FOXN3: variants seen among roughly 807,000 people sequenced by gnomAD.
The protein encoded by FOXN3 is forkhead box N3.
Under a neutral mutation model 38.4 loss-of-function variants are expected in FOXN3, and 7 were observed. The observed-to-expected ratio is 0.18, with a 90% CI of 0.10 to 0.34. FOXN3 has a LOEUF of 0.34. Ranked by LOEUF, FOXN3 falls within the 10% of genes least tolerant of loss-of-function variation. FOXN3 has a pLI of 1.00. For synonymous variants in FOXN3, 230 were observed against 242.2 expected, an observed-to-expected ratio of 0.95 and a Z score of 0.47; for missense variants, 456 against 613.4, an observed-to-expected ratio of 0.74 and a Z score of 2.71.
At chr14:89,574,380 G>A (rs973072659) in intron 1 of FOXN3, among the ~76,000 whole-genome samples, 4 of 152,190 alleles carry the variant, frequency 2.6e-5, no homozygotes, top group Non-Finnish European at 5.9e-5. Context: ...TCCAGAATAA[G>A]GTTTCTGGTC....
chr14:89,554,950 G>C (rs1398839777), intron 1 of FOXN3, among the ~76,000 whole-genome samples: 1 of 151,704 alleles, frequency 6.6e-6, no homozygotes, highest in East Asian at 1.9e-4. Flanking sequence ...CACCATGCCT[G>C]GCTGGTTTTT....
chr14:89,343,722 TCCA>T (rs1888685161), intron 3 of FOXN3, among the ~76,000 whole-genome samples: 1 of 124,440 alleles, frequency 8.0e-6, no homozygotes, highest in African/African-American at 2.9e-5. Flanking sequence ...TGGAATTTAT[TCCA>T]AAAAAAAAAA....
At chr14:89,245,562 C>T (rs1351366333) in intron 4 of FOXN3, among the ~76,000 whole-genome samples, 1 of 152,046 alleles carries the variant, frequency 6.6e-6, no homozygotes, top group Non-Finnish European at 1.5e-5. Flanking sequence ...CTTTCCCCCT[C>T]ATTTATATCG....
At chr14:89,581,285 C>G (rs1449048699) in intron 1 of FOXN3, among the ~76,000 whole-genome samples, 1 of 151,890 alleles carries the variant, frequency 6.6e-6, no homozygotes. Context: ...AGTTTGAGAC[C>G]AGCCTGGCCA....
intron 3 of FOXN3, among the ~76,000 whole-genome samples, chr14:89,335,731 C>G (rs555874653): frequency 1.3e-5 from 2 of 152,232 alleles, no homozygotes; most frequent in African/African-American, 4.8e-5. Context: ...ATTAGAGATT[C>G]AGGACGGTGG....
intron 3 of FOXN3, among the ~76,000 whole-genome samples, chr14:89,325,248 G>A (rs61983119): frequency 1.5e-4 from 3 of 19,946 alleles, no homozygotes; most frequent in African/African-American, 3.6e-4. Flanking sequence ...CCACCACCAC[G>A]ACCACCACCA....
At position 89,434,010 on chromosome 14, in the gene FOXN3, G is replaced by A. The variant is rs184949970; in HGVS notation, c.-14-21520C>T. ...CCCCATCTTGGCTCACTGCAACCTCGCCTCCCAGATTCAAGCAATTCTCCT... is the reference window on the plus strand; with the variant it reads ...CCCCATCTTGGCTCACTGCAACCTCACCTCCCAGATTCAAGCAATTCTCCT... On this transcript the variant is annotated intron_variant, in intron 1 of 6. Coordinates refer to the FOXN3 transcript ENST00000345097. Among the ~76,000 whole-genome samples, 112 of 137,988 alleles carry A rather than the reference G, an allele frequency of 8.1e-4. 1 individual carries two copies. The highest frequency in any genetic ancestry group is 2.8e-3 in the African/African-American group (102 of 36,600). The allele number at this position is 137,988 out of a possible 152,430, so 90.5% of individuals were successfully genotyped here.
intron 4 of FOXN3, among the ~76,000 whole-genome samples, chr14:89,216,184 G>A (rs1426000693): frequency 1.3e-5 from 2 of 152,188 alleles, no homozygotes; most frequent in Non-Finnish European, 2.9e-5. Flanking sequence ...CAGGTGTAGG[G>A]TAGGGGCTGG....
At chr14:89,488,161 C>A (rs12889736) in intron 1 of FOXN3, among the ~76,000 whole-genome samples, 10,785 of 151,096 alleles carry the variant, frequency 0.071, 414 homozygotes, top group Middle Eastern at 0.11. Flanking sequence ...CAGCTCACTG[C>A]AACCTCTGCC....
intron 1 of FOXN3, among the ~76,000 whole-genome samples, chr14:89,459,897 G>A (rs1892804667): frequency 1.3e-5 from 2 of 152,140 alleles, no homozygotes; most frequent in Non-Finnish European, 2.9e-5. Flanking sequence ...AGGTACATAT[G>A]TGCGTGGGAT....
chr14:89,557,771 T>G (rs1895158910), intron 1 of FOXN3, among the ~76,000 whole-genome samples: 1 of 152,184 alleles, frequency 6.6e-6, no homozygotes, highest in African/African-American at 2.4e-5. Flanking sequence ...TTCAGGAGGC[T>G]GAGGCGGGTA....
In FOXN3 at chr14:89,445,798, T is replaced by C. The variant is rs535040985; in HGVS notation, c.-14-33308A>G. ...AGTCTCACCACAAGTTTAAGGAAGA[T>C]GGCTGAGCATGGTGGCTCACACCTA... is the stretch of plus-strand genomic sequence containing the variant. On this transcript the variant is annotated intron_variant, in intron 1 of 6. Transcript: ENST00000345097. Among the ~76,000 whole-genome samples the C allele has an allele frequency of 5.1e-4, 78 of 152,180 alleles. 1 individual carries two copies. Among genetic ancestry groups the C allele is most frequent in the East Asian group, 9.7e-4 (5 of 5,174 alleles).
At chr14:89,367,494 T>C (rs575022622) in intron 2 of FOXN3, among the ~76,000 whole-genome samples, 2 of 152,222 alleles carry the variant, frequency 1.3e-5, no homozygotes, top group South Asian at 2.1e-4. Flanking sequence ...GGGTAAGATA[T>C]GGACAAAGCA....
At chr14:89,245,378 G>A (rs1596128090) in intron 4 of FOXN3, among the ~76,000 whole-genome samples, 1 of 151,874 alleles carries the variant, frequency 6.6e-6, no homozygotes, top group South Asian at 2.1e-4. Context: ...ACACCCAAGA[G>A]TAAGAAATGT....
chr14:89,234,587 A>G (rs1884923327), intron 4 of FOXN3, among the ~76,000 whole-genome samples: 1 of 151,826 alleles, frequency 6.6e-6, no homozygotes, highest in African/African-American at 2.4e-5. Flanking sequence ...AATTCTCATG[A>G]TATCTGGTTG....
chr14:89,190,652 T>C (rs762028044), intron 4 of FOXN3, among the ~76,000 whole-genome samples: 26 of 152,212 alleles, frequency 1.7e-4, no homozygotes, highest in Non-Finnish European at 2.2e-4. Context: ...TTAAGGATCA[T>C]GTTAGTAAAT....
chr14:89,499,236 T>G (rs1443185627), intron 1 of FOXN3, among the ~76,000 whole-genome samples: 1 of 152,108 alleles, frequency 6.6e-6, no homozygotes, highest in African/African-American at 2.4e-5. Flanking sequence ...CTGTTTTGAT[T>G]CGCATCTAAT....
At chr14:89,312,360 C>T (rs1315753262) in intron 3 of FOXN3, among the ~76,000 whole-genome samples, 3 of 150,262 alleles carry the variant, frequency 2.0e-5, no homozygotes, top group Middle Eastern at 3.2e-3. Context: ...GCTGGCCAAT[C>T]CACACGGGCA....
intron 4 of FOXN3, among the ~76,000 whole-genome samples, chr14:89,203,465 T>G (rs537323811): frequency 6.6e-6 from 1 of 152,172 alleles, no homozygotes; most frequent in East Asian, 1.9e-4. Context: ...GTGCCCTGTG[T>G]CTGTGGCACC....
Sources: gnomAD v4.1 joint callset for allele counts (sites outside exome capture counted in the v4.1 genomes callset) on GRCh38, gnomAD v4.1.1 for gene constraint, MANE v1.5 for transcripts, NCBI Gene and HGNC (gene_info 2026-07-23, HGNC 2026-07-21) for gene names.